SLCO2A1: variants seen among roughly 807,000 people sequenced by gnomAD.
SLCO2A1 encodes solute carrier organic anion transporter family member 2A1, also known as matrin F/G 1.
SLCO2A1 carries 60 observed loss-of-function variants against 71.7 expected under a neutral mutation model. That is an observed-to-expected ratio of 0.84 (90% CI 0.68 to 1.04). The LOEUF is 1.04. Ranked by LOEUF, SLCO2A1 falls within the 50% of genes least tolerant of loss-of-function variation. SLCO2A1 has a pLI of 0.00. For missense variants in SLCO2A1, 745 were observed against 813.4 expected (o/e 0.92, Z 1.02); for synonymous variants, 308 against 326.7 (o/e 0.94, Z 0.62).
chr3:133,967,116 G>A (rs1934199849), intron 3 of SLCO2A1, among the ~76,000 whole-genome samples: 2 of 152,164 alleles, frequency 1.3e-5, no homozygotes, highest in Non-Finnish European at 2.9e-5. Flanking sequence ...ACTCTCAGCG[G>A]AGCAGGCTGC....
At chr3:133,969,605 C>T (rs992788721) in intron 3 of SLCO2A1, among the ~76,000 whole-genome samples, 4 of 151,778 alleles carry the variant, frequency 2.6e-5, no homozygotes, top group East Asian at 1.9e-4. Context: ...AGTCTGGTCT[C>T]GAACTCTTGG....
At chr3:133,975,454 CGGG>C (rs1934420903) in intron 2 of SLCO2A1, among the ~76,000 whole-genome samples, 1 of 152,182 alleles carries the variant, frequency 6.6e-6, no homozygotes. Context: ...AGCCTCCTAA[CGGG>C]ACCCTGCCTT....
rs148611482 is a variant in SLCO2A1 at position 133,965,311 on chromosome 3, A to G, written c.397+8352T>C. The stretch of plus-strand genomic sequence containing the variant: ...ATCCTGCTAGACAAGATGAGGACAC[A>G]TGGCTGGGGAGTCCTCAGGGAAAAC... On this transcript the variant is annotated intron_variant, in intron 3 of 13. Transcript: ENST00000310926. Among the ~76,000 whole-genome samples the G allele has an allele frequency of 2.6e-5, 4 of 152,300 alleles. No homozygotes were observed. The East Asian group carries it at 7.7e-4, about 29-fold the overall frequency.
intron 2 of SLCO2A1, among the ~76,000 whole-genome samples, chr3:133,979,243 G>GC (rs1309015037): frequency 6.6e-6 from 1 of 152,242 alleles, no homozygotes; most frequent in East Asian, 1.9e-4. Flanking sequence ...CCATGAAGAG[G>GC]CCCCCAGGTC....
At chr3:133,960,177 T>C (rs764917638) in intron 3 of SLCO2A1, among the ~76,000 whole-genome samples, 3 of 152,052 alleles carry the variant, frequency 2.0e-5, no homozygotes, top group Non-Finnish European at 4.4e-5. Flanking sequence ...GATAGAATCA[T>C]CATATGATCT....
chr3:133,983,665 G>A (rs1216195215), intron 1 of SLCO2A1, among the ~76,000 whole-genome samples: 1 of 152,150 alleles, frequency 6.6e-6, no homozygotes, highest in Non-Finnish European at 1.5e-5. Context: ...AGCAGTGTGG[G>A]GCCCAGCATG....
chr3:133,935,942 A>C (rs1460386624), intron 12 of SLCO2A1, 45 bp from the exon 13 acceptor site: 2 of 1,508,912 alleles, frequency 1.3e-6, no homozygotes, highest in South Asian at 2.7e-5. Flanking sequence ...AACTGCAGGC[A>C]GAGGTGTCCA....
At chr3:134,002,692 A>G (rs1935129100) in intron 1 of SLCO2A1, among the ~76,000 whole-genome samples, 1 of 152,144 alleles carries the variant, frequency 6.6e-6, no homozygotes, top group South Asian at 2.1e-4. Context: ...TAGGTCTGGG[A>G]TGGGGCCCAA....
chr3:133,959,253 T>A (rs1478270934), intron 3 of SLCO2A1, among the ~76,000 whole-genome samples: 2 of 152,134 alleles, frequency 1.3e-5, no homozygotes, highest in African/African-American at 4.8e-5. Context: ...GATGTGGGCA[T>A]GACTGAGAGG....
rs1171211789 is a variant in SLCO2A1 at position 133,963,093 on chromosome 3, C to T, written c.398-7900G>A. Among the ~76,000 whole-genome samples the T allele has an allele frequency of 2.0e-5, 3 of 152,208 alleles. No homozygotes were observed. In the East Asian group the frequency reaches 5.8e-4, roughly 29 times the overall value. On this transcript the variant is annotated intron_variant, in intron 3 of 13. Coordinates refer to ENST00000310926, the MANE Select transcript of SLCO2A1 (RefSeq NM_005630.3). ...ACTAGAAACAGGCCGGACCTCTTCC[C>T]TCCTCCAGCTCCCCCAGCCCCACCC...
intron 1 of SLCO2A1, among the ~76,000 whole-genome samples, chr3:134,016,859 GAACA>G (rs1482636667): frequency 2.0e-5 from 3 of 152,110 alleles, no homozygotes; most frequent in Non-Finnish European, 2.9e-5. Flanking sequence ...CAATAAAAAG[GAACA>G]AACTATTGAT....
At chr3:134,015,682 T>C (rs1231062413) in intron 1 of SLCO2A1, among the ~76,000 whole-genome samples, 1 of 152,234 alleles carries the variant, frequency 6.6e-6, no homozygotes, top group Non-Finnish European at 1.5e-5. Flanking sequence ...AACGTCACAT[T>C]GTACTCCATA....
chr3:133,999,809 A>C (rs1046219051), intron 1 of SLCO2A1, among the ~76,000 whole-genome samples: 3 of 152,226 alleles, frequency 2.0e-5, no homozygotes, highest in Non-Finnish European at 2.9e-5. Flanking sequence ...AGAGAGTTCC[A>C]GGTAGGTGAG....
chr3:133,959,769 T>C (rs1037002672), intron 3 of SLCO2A1, among the ~76,000 whole-genome samples: 1 of 151,780 alleles, frequency 6.6e-6, no homozygotes, highest in Admixed American at 6.6e-5. Flanking sequence ...GAGACTGCAG[T>C]GAGCCAAGAT....
rs200370765 is a variant in SLCO2A1, at chr3:133,955,189, G to A, written c.402C>T (p.Asn134=). ...AGAGCTCGGCCTGCAAGCGGCTGTTGTTCCCTGCAACGAGAGTGCTTGCTG... is the reference window on the plus strand; with the variant it reads ...AGAGCTCGGCCTGCAAGCGGCTGTTATTCCCTGCAACGAGAGTGCTTGCTG... ...PYQYTLASTG[N]NSRLQAELCQ... is the part of the protein sequence containing the mutation. The change falls in exon 4 of 14, where the codon AAC becomes AAT. Residue 134 remains asparagine, a synonymous_variant. Coordinates refer to ENST00000310926, the MANE Select transcript of SLCO2A1 (RefSeq NM_005630.3). 2 of 1,612,308 alleles carry A rather than the reference G, an allele frequency of 1.2e-6. No homozygotes were observed. The highest frequency in any genetic ancestry group is 4.5e-5 in the East Asian group (2 of 44,850).
intron 5 of SLCO2A1, among the ~76,000 whole-genome samples, chr3:133,952,006 C>T (rs1933756750): frequency 6.6e-6 from 1 of 152,180 alleles, no homozygotes; most frequent in Non-Finnish European, 1.5e-5. Context: ...CTCTTGCACA[C>T]GTGTAAAAGT....
intron 3 of SLCO2A1, among the ~76,000 whole-genome samples, chr3:133,956,083 G>A (rs1457742821): frequency 2.0e-5 from 3 of 152,156 alleles, no homozygotes; most frequent in East Asian, 3.9e-4. Flanking sequence ...GTTCTCGAGG[G>A]CTCCTTTCCA....
At chr3:133,953,631 G>T in intron 5 of SLCO2A1, 32 bp downstream of exon 5, 2 of 1,555,860 alleles carry the variant, frequency 1.3e-6, no homozygotes, top group Non-Finnish European at 1.8e-6. Flanking sequence ...TTGAGCTGGG[G>T]ATGGGAATGG....
chr3:133,955,228 T>G (rs371882894), intron 3 of SLCO2A1, 35 bp from the exon 4 acceptor site: 3 of 1,566,730 alleles, frequency 1.9e-6, no homozygotes, highest in African/African-American at 2.7e-5. Flanking sequence ...TCCACCACCC[T>G]GGTCTCCTGG....
Sources: allele counts gnomAD v4.1 joint callset (sites outside exome capture counted in the v4.1 genomes callset), GRCh38; gene constraint gnomAD v4.1.1; transcripts MANE v1.5; gene names NCBI Gene and HGNC (gene_info 2026-07-23, HGNC 2026-07-21).